MRTFA: variants seen among roughly 807,000 people sequenced by gnomAD.
The protein encoded by MRTFA is myocardin related transcription factor A.
In MRTFA, 20 loss-of-function variants were observed where a neutral mutation model predicts 83.5. The observed-to-expected ratio is 0.24, with a 90% confidence interval of 0.17 to 0.35. MRTFA has a LOEUF of 0.35. Among genes scored for constraint, MRTFA ranks in the 10% least tolerant of loss-of-function variants. MRTFA has a pLI of 1.00. For missense variants in MRTFA, 1,200 were observed against 1,224.7 expected, an observed-to-expected ratio of 0.98 and a Z score of 0.30; for synonymous variants, 659 against 541.2, an observed-to-expected ratio of 1.22 and a Z score of -3.02.
rs553848096 is a variant in MRTFA at position 40,581,014 on chromosome 22, AC to A, written c.-22+13659del. On this transcript the variant is annotated intron_variant, in intron 2 of 14. Coordinates refer to ENST00000355630, the MANE Select transcript of MRTFA (RefSeq NM_020831.6). ...TTTTAAATAATAGAAACAGGCTTTC[AC>A]AACATTGCTCAGGCTGGTCTTGAAC... 8.9e-4 allele frequency among the ~76,000 whole-genome samples: 135 copies of A among 152,118 alleles called. 1 individual carries two copies. In the Middle Eastern group the frequency reaches 0.02, roughly 23 times the overall value.
intron 3 of MRTFA, among the ~76,000 whole-genome samples, chr22:40,492,748 G>T (rs2054291245): frequency 6.6e-6 from 1 of 152,122 alleles, no homozygotes. Flanking sequence ...GAGGGGGGAG[G>T]TACCAAAGGA....
In MRTFA at chr22:40,418,463, T is replaced by C. The variant is rs368485411; in HGVS notation, c.2275A>G (p.Ile759Val). 3.1e-6 allele frequency: 5 copies of C among 1,613,654 alleles called. No individual in the cohort carries two copies. The African/African-American group carries it at 4.0e-5, about 13-fold the overall frequency. ...AGGTGGGTCCCTGTGGAGTCGGTGA[T>C]GAGGGTGGGAGGTGCAACCCCCTTG... Residue 759 changes from isoleucine (I) to valine (V), a missense_variant, in exon 12 of 15, where the codon ATC (isoleucine) becomes GTC (valine). Coordinates refer to ENST00000355630, the MANE Select transcript of MRTFA (RefSeq NM_020831.6).
At chr22:40,494,020 A>C (rs1005276721) in intron 3 of MRTFA, among the ~76,000 whole-genome samples, 1 of 152,200 alleles carries the variant, frequency 6.6e-6, no homozygotes, top group African/African-American at 2.4e-5. Context: ...GATAGTCTAA[A>C]GTGGGAGAGA....
chr22:40,536,342 C>T (rs962316069), intron 3 of MRTFA, among the ~76,000 whole-genome samples: 22 of 150,740 alleles, frequency 1.5e-4, no homozygotes, highest in African/African-American at 5.1e-4. Context: ...GCCGCCCGAC[C>T]GCCGGGAGGA....
At chr22:40,481,424 C>G (rs966805063) in intron 3 of MRTFA, among the ~76,000 whole-genome samples, 3 of 152,022 alleles carry the variant, frequency 2.0e-5, no homozygotes, top group African/African-American at 7.3e-5. Context: ...TATTTATAGG[C>G]AATAAAACAA....
chr22:40,532,751 G>A (rs2055104847), intron 3 of MRTFA, among the ~76,000 whole-genome samples: 1 of 152,192 alleles, frequency 6.6e-6, no homozygotes, highest in Non-Finnish European at 1.5e-5. Context: ...GTATCTGCCA[G>A]AACCAAGAAG....
intron 3 of MRTFA, among the ~76,000 whole-genome samples, chr22:40,534,190 T>G (rs1449820433): frequency 3.9e-5 from 6 of 152,216 alleles, no homozygotes; most frequent in African/African-American, 1.4e-4. Context: ...CCATAAATTT[T>G]CTGAAAAAGA....
intron 3 of MRTFA, among the ~76,000 whole-genome samples, chr22:40,466,087 T>G (rs2053808464): frequency 6.6e-6 from 1 of 152,126 alleles, no homozygotes; most frequent in South Asian, 2.1e-4. Context: ...GGGTTTATTC[T>G]CTGGTGAGAC....
chr22:40,468,110 A>G (rs2053838902), intron 3 of MRTFA, among the ~76,000 whole-genome samples: 1 of 152,224 alleles, frequency 6.6e-6, no homozygotes. Context: ...GGGTGAGGGA[A>G]AAGCCAAGGA....
chr22:40,579,625 C>A (rs1484681668), intron 2 of MRTFA, among the ~76,000 whole-genome samples: 1 of 152,074 alleles, frequency 6.6e-6, no homozygotes, highest in Non-Finnish European at 1.5e-5. Context: ...TTTAGGAGGC[C>A]AAGGTGGGTG....
intron 1 of MRTFA, among the ~76,000 whole-genome samples, chr22:40,605,157 C>A (rs1384084480): frequency 6.6e-6 from 1 of 152,112 alleles, no homozygotes; most frequent in Non-Finnish European, 1.5e-5. Flanking sequence ...ATCACTCATT[C>A]AACAAATATT....
chr22:40,561,295 A>G (rs750975341), intron 2 of MRTFA, among the ~76,000 whole-genome samples: 17 of 151,826 alleles, frequency 1.1e-4, no homozygotes, highest in Non-Finnish European at 1.9e-4. Flanking sequence ...AGCTTACTAT[A>G]TATGTACTAG....
intron 3 of MRTFA, among the ~76,000 whole-genome samples, chr22:40,542,344 T>C (rs1000730605): frequency 7.9e-5 from 12 of 152,236 alleles, no homozygotes; most frequent in Admixed American, 6.5e-4. Context: ...TTAGATCTGT[T>C]ATTCTGTTAT....
intron 2 of MRTFA, among the ~76,000 whole-genome samples, chr22:40,561,771 C>T (rs1360145068): frequency 6.6e-6 from 1 of 152,152 alleles, no homozygotes; most frequent in East Asian, 1.9e-4. Flanking sequence ...TTACCTGACA[C>T]TTCCTTCCCA....
At chr22:40,528,745 A>G (rs2147271965) in intron 3 of MRTFA, among the ~76,000 whole-genome samples, 1 of 152,150 alleles carries the variant, frequency 6.6e-6, no homozygotes, top group East Asian at 1.9e-4. Flanking sequence ...TTCAAAAAAA[A>G]AAAAAAAAAA....
chr22:40,496,087 T>TAAC (rs1480427482), intron 3 of MRTFA, among the ~76,000 whole-genome samples: 1 of 150,674 alleles, frequency 6.6e-6, no homozygotes, highest in African/African-American at 2.4e-5. Flanking sequence ...AATAAATTAA[T>TAAC]AATAATAATA....
chr22:40,413,597 A>G (rs2052610362), intron 14 of MRTFA, among the ~76,000 whole-genome samples: 1 of 151,922 alleles, frequency 6.6e-6, no homozygotes, highest in African/African-American at 2.4e-5. Flanking sequence ...GCCCGCCACC[A>G]TGCCCGGATA....
chr22:40,580,853 T>C (rs2055936975), intron 2 of MRTFA, among the ~76,000 whole-genome samples: 1 of 152,234 alleles, frequency 6.6e-6, no homozygotes. Context: ...GCTTAAGCAA[T>C]TGTCCCGTCT....
intron 3 of MRTFA, among the ~76,000 whole-genome samples, chr22:40,538,436 GC>G (rs1356773081): frequency 9.3e-5 from 14 of 150,716 alleles, no homozygotes; most frequent in Admixed American, 2.7e-4. Flanking sequence ...ACTGCAGAAG[GC>G]CGCAGGGTCC....
Sources: gnomAD v4.1 joint callset for allele counts (sites outside exome capture counted in the v4.1 genomes callset) on GRCh38, gnomAD v4.1.1 for gene constraint, MANE v1.5 for transcripts, NCBI Gene and HGNC (gene_info 2026-07-23, HGNC 2026-07-21) for gene names.